Variants in OXNAD1 observed in about 807,000 individuals in gnomAD.
The protein encoded by OXNAD1 is oxidoreductase NAD-binding domain-containing protein 1.
OXNAD1 carries 34 observed loss-of-function variants against 32.9 expected under a neutral mutation model. That is an observed-to-expected ratio of 1.03 (90% confidence interval 0.79 to 1.38). The LOEUF (loss-of-function observed/expected upper bound fraction) is 1.38, where lower values mean the gene tolerates loss of function less well. OXNAD1 is among the 40% of genes most tolerant of loss of function. The pLI is 0.00. For missense variants in OXNAD1, 407 were observed against 379.4 expected, an observed-to-expected ratio of 1.07 and a Z score of -0.60; for synonymous variants, 134 against 135.2, an observed-to-expected ratio of 0.99 and a Z score of 0.06.
intron 6 of OXNAD1, 43 bp downstream of exon 6, chr3:16,295,040 T>A: frequency 6.4e-7 from 1 of 1,553,212 alleles, no homozygotes; most frequent in Non-Finnish European, 8.7e-7. Flanking sequence ...TGGGTATCTC[T>A]GCCACCCACA....
Position 16,303,643 on chromosome 3 carries a change from T to C in OXNAD1, c.*81T>C. 15 of 1,434,528 alleles carry C rather than the reference T, an allele frequency of 1.0e-5. No homozygotes were observed. Among genetic ancestry groups the C allele is most frequent in the Non-Finnish European group, 1.4e-5 (15 of 1,074,062 alleles). 88.9% of individuals were successfully genotyped at this position (1,434,528 alleles called of 1,614,324 possible). A position where few individuals can be genotyped will look rare whatever the true frequency, so the allele number is the denominator to read the frequency against. On this transcript the variant is annotated 3_prime_UTR_variant, in exon 9 of 9. Coordinates refer to ENST00000285083, the MANE Select transcript of OXNAD1 (RefSeq NM_138381.5). This position sits in a 1 kb window ranked among gnomAD's most constrained non-coding sequence, Gnocchi z 4.8. Reference sequence around the variant, plus strand: ...GTCCTTTGTGGCATGATTAATTTTTTTTATCTCTACTTGAGTTGTCTTATT... The same window carrying C: ...GTCCTTTGTGGCATGATTAATTTTTCTTATCTCTACTTGAGTTGTCTTATT...
At chr3:16,282,367 TAAAA>T (rs60328037) in intron 4 of OXNAD1, among the ~76,000 whole-genome samples, 1 of 145,588 alleles carries the variant, frequency 6.9e-6, no homozygotes. Flanking sequence ...CCACCCAGCT[TAAAA>T]AAAAAAAAAA....
rs992917989 is a variant in OXNAD1 at position 16,336,006 on chromosome 3, G to A, written c.*31-1106G>A. Among the ~76,000 whole-genome samples, 10 of 152,178 alleles carry A rather than the reference G, an allele frequency of 6.6e-5. No individual in the cohort carries two copies. Among genetic ancestry groups the A allele is most frequent in the African/African-American group, 2.4e-4 (10 of 41,442 alleles). The stretch of plus-strand genomic sequence containing the variant: ...GCTGCCTGGGCCCTGCTCAGCACAC[G>A]CTGGCTATAGCGGCACTCGAGGAGG... On this transcript the variant is annotated intron_variant, in intron 9 of 9. Transcript: ENST00000435829. This position sits in a 1 kb window ranked among gnomAD's most constrained non-coding sequence, Gnocchi z 6.0.
At chr3:16,333,867 T>C (rs1337012177) in intron 9 of OXNAD1, among the ~76,000 whole-genome samples, 1 of 151,942 alleles carries the variant, frequency 6.6e-6, no homozygotes, top group Non-Finnish European at 1.5e-5. Flanking sequence ...ATAAGAAAAA[T>C]GCAAATTAAA....
In OXNAD1 at chr3:16,271,990, TCA is replaced by T. The variant is rs2064973910; in HGVS notation, c.183+271_183+272del. On this transcript the variant is annotated intron_variant, in intron 4 of 8. Transcript: ENST00000285083. The surrounding 1 kb of genome is among the most constrained non-coding windows in gnomAD (Gnocchi z 4.6). ...AGAGCAGCAACTGAGGGAGCCATCC[TCA>T]CAGGTATGATGTTTAGGGTTATGTT... Among the ~76,000 whole-genome samples the T allele has an allele frequency of 6.6e-6, 1 of 152,202 alleles. No individual in the cohort carries two copies. The highest frequency in any genetic ancestry group is 2.1e-4 in the South Asian group (1 of 4,826).
chr3:16,269,331 T>C (rs2064769144), intron 2 of OXNAD1, 56 bp downstream of exon 2: 2 of 1,510,832 alleles, frequency 1.3e-6, no homozygotes, highest in Middle Eastern at 1.7e-4. Flanking sequence ...ACTTAGAACA[T>C]TTAATGGAGA....
chr3:16,330,961 C>G (rs537031063), intron 9 of OXNAD1, among the ~76,000 whole-genome samples: 5 of 152,276 alleles, frequency 3.3e-5, no homozygotes, highest in Admixed American at 3.3e-4. Flanking sequence ...TGTGTTTCAT[C>G]CTGTGGAAGC....
At position 16,280,787 on chromosome 3, in the gene OXNAD1, A is replaced by G. The variant is rs1160671754; in HGVS notation, c.184-5555A>G. On this transcript the variant is annotated intron_variant, in intron 4 of 8. Coordinates refer to ENST00000285083, the MANE Select transcript of OXNAD1 (RefSeq NM_138381.5). The surrounding 1 kb of genome is among the most constrained non-coding windows in gnomAD (Gnocchi z 4.5). ...CTACATAAAACCAGCTTTTTAAACA[A>G]GTGTGATGGAATTTCCTTTTAGATG... Among the ~76,000 whole-genome samples the G allele has an allele frequency of 6.6e-6, 1 of 152,188 alleles. No individual in the cohort carries two copies. The highest frequency in any genetic ancestry group is 2.4e-5 in the African/African-American group (1 of 41,450).
Position 16,320,974 on chromosome 3 carries a change from G to A in OXNAD1, c.*31-16138G>A, listed in dbSNP as rs1411676956. On this transcript the variant is annotated intron_variant, in intron 9 of 9. Coordinates refer to the OXNAD1 transcript ENST00000435829. The surrounding 1 kb of genome is among the most constrained non-coding windows in gnomAD (Gnocchi z 4.5). ...ATTTGAAGGGGATATCTATTATTAG[G>A]AGATTAGAATAGCTGAGGCGAGTGA... is the stretch of plus-strand genomic sequence containing the variant. 1.3e-5 allele frequency among the ~76,000 whole-genome samples: 2 copies of A among 152,230 alleles called. No individual in the cohort carries two copies. Among genetic ancestry groups the A allele is most frequent in the Admixed American group, 6.5e-5 (1 of 15,288 alleles).
chr3:16,326,719 G>T, intron 9 of OXNAD1: 2 of 1,343,208 alleles, frequency 1.5e-6, no homozygotes, highest in Non-Finnish European at 2.1e-6. Flanking sequence ...TAGGAACAGT[G>T]ACTAGCACAG....
At chr3:16,313,814 C>T (rs144352679) in intron 9 of OXNAD1, 1 of 152,322 alleles carries the variant, frequency 6.6e-6, no homozygotes, top group East Asian at 1.9e-4. Context: ...ACTTCATTAA[C>T]ATAGATTTCC....
At chr3:16,339,077 C>T (rs2071122762), downstream of OXNAD1, among the ~76,000 whole-genome samples, 3 of 152,208 alleles carry the variant, frequency 2.0e-5, no homozygotes, top group Admixed American at 6.5e-5. Context: ...CCACACAACA[C>T]ACCATGTGCT....
At chr3:16,331,955 T>C (rs943642557) in intron 9 of OXNAD1, among the ~76,000 whole-genome samples, 1 of 152,274 alleles carries the variant, frequency 6.6e-6, no homozygotes, top group Non-Finnish European at 1.5e-5. Context: ...AGTTTCTAGA[T>C]GTCAGCAATG....
downstream of OXNAD1, among the ~76,000 whole-genome samples, chr3:16,308,615 T>C (rs755180908): frequency 6.6e-6 from 1 of 152,228 alleles, no homozygotes; most frequent in Non-Finnish European, 1.5e-5. The surrounding 1 kb of genome is among the most constrained non-coding windows in gnomAD (Gnocchi z 4.4). Flanking sequence ...GTCTGGTCTT[T>C]AATATTACTC....
chr3:16,287,106 G>A lies in OXNAD1; in HGVS notation c.290+658G>A, dbSNP rs1011343421. ...GACTGGGTAACATTTCCTCCGAATGGGGCCTCCCTGAGCTTCAATTCAAGT... is the reference window on the plus strand; with the variant it reads ...GACTGGGTAACATTTCCTCCGAATGAGGCCTCCCTGAGCTTCAATTCAAGT... On this transcript the variant is annotated intron_variant, in intron 5 of 8. Transcript: ENST00000285083. The surrounding 1 kb of genome is among the most constrained non-coding windows in gnomAD (Gnocchi z 4.8). Among the ~76,000 whole-genome samples, 55 of 152,258 alleles carry A rather than the reference G, an allele frequency of 3.6e-4. No homozygotes were observed. Among genetic ancestry groups the A allele is most frequent in the African/African-American group, 1.1e-3 (45 of 41,548 alleles).
At chr3:16,279,984 C>G (rs2065629698) in intron 4 of OXNAD1, among the ~76,000 whole-genome samples, 1 of 152,142 alleles carries the variant, frequency 6.6e-6, no homozygotes, top group Non-Finnish European at 1.5e-5. Flanking sequence ...CAGCAAAGAC[C>G]ACAAGTGCCT....
downstream of OXNAD1, among the ~76,000 whole-genome samples, chr3:16,307,765 A>ACTT (rs2067666262): frequency 2.1e-5 from 2 of 95,550 alleles, no homozygotes; most frequent in African/African-American, 1.1e-4. Context: ...TTTTAGATTT[A>ACTT]CAGAAGAGTT....
In OXNAD1 at chr3:16,302,404, A is replaced by T. The variant is rs1433536538; in HGVS notation, c.676-236A>T. On this transcript the variant is annotated intron_variant, in intron 7 of 8. Coordinates refer to ENST00000285083, the MANE Select transcript of OXNAD1 (RefSeq NM_138381.5). The surrounding 1 kb of genome is among the most constrained non-coding windows in gnomAD (Gnocchi z 4.2). ...TGCTTGAGAAAAAGGAAAAAGAAAA[A>T]ACTCCCGGAGAGTTGGTAATATGCT... Among the ~76,000 whole-genome samples the T allele has an allele frequency of 6.6e-6, 1 of 152,112 alleles. No individual in the cohort carries two copies. Among genetic ancestry groups the T allele is most frequent in the Non-Finnish European group, 1.5e-5 (1 of 68,016 alleles).
In OXNAD1 at chr3:16,345,809, TGTGTGTGTGC is replaced by T. The variant is rs1201562195; in HGVS notation, c.*31-3365_*31-3356del. On this transcript the variant is annotated intron_variant, in intron 9 of 9. Transcript: ENST00000606098. The surrounding 1 kb of genome is among the most constrained non-coding windows in gnomAD (Gnocchi z 5.2). ...ATCTCTGTGTGTGTGTGTGTGTGTGTGTGTGTGTGCGCGCGCGCGTGCGCGCACGCGCACA... is the reference window on the plus strand; with the variant it reads ...ATCTCTGTGTGTGTGTGTGTGTGTGTGCGCGCGCGTGCGCGCACGCGCACA... Among the ~76,000 whole-genome samples the T allele has an allele frequency of 1.2e-5, 1 of 85,798 alleles. No homozygotes were observed. The highest frequency in any genetic ancestry group is 7.2e-5 in the African/African-American group (1 of 13,810). 56.3% of individuals were successfully genotyped at this position (85,798 alleles called of 152,430 possible).
Sources: gnomAD v4.1 joint callset for allele counts (sites outside exome capture counted in the v4.1 genomes callset) on GRCh38, gnomAD v4.1.1 for gene constraint, Gnocchi (gnomAD v3.1) non-coding constraint, MANE v1.5 for transcripts, NCBI Gene and HGNC (gene_info 2026-07-23, HGNC 2026-07-21) for gene names.